The following MAST1 variants were observed in gnomAD, a reference collection of about 807,000 sequenced individuals.
MAST1 encodes microtubule-associated serine/threonine-protein kinase 1.
A neutral mutation model predicts 124.6 loss-of-function variants in MAST1; 40 were observed. The observed-to-expected ratio is 0.32, with a 90% CI of 0.25 to 0.42. The LOEUF (loss-of-function observed/expected upper bound fraction) is 0.42. Among genes scored for constraint, MAST1 ranks in the 10% least tolerant of loss-of-function variants. The pLI, the probability that MAST1 is intolerant of heterozygous loss-of-function variation, is 1.00. For synonymous variants in MAST1, 938 were observed against 939.4 expected (o/e 1.00, Z 0.03); for missense variants, 1,558 against 2,181.9 (o/e 0.71, Z 5.70).
chr19:12,865,687 A>G lies in MAST1; in HGVS notation c.1805-30A>G. 6.4e-7 allele frequency: 1 copy of G among 1,566,884 alleles called. No homozygotes were observed. Among genetic ancestry groups the G allele is most frequent in the Non-Finnish European group, 8.7e-7 (1 of 1,147,008 alleles). On this transcript the variant is annotated intron_variant, in intron 15 of 25. Transcript: ENST00000251472. The surrounding 1 kb of genome is among the most constrained non-coding windows in gnomAD (Gnocchi z 7.1). ...TGTCCAAACAACAACAACAACAAAA[A>G]CCGCCCCTAAGTTCCGTTTTGTTTT...
rs1473491262 is a variant in MAST1, at chr19:12,847,129, C to T, written c.328-161C>T. 2 of 609,282 alleles carry T rather than the reference C, an allele frequency of 3.3e-6. No individual in the cohort carries two copies. The highest frequency in any genetic ancestry group is 5.8e-6 in the Non-Finnish European group (2 of 342,476). The allele number at this position is 609,282 out of a possible 1,614,324, so 37.7% of individuals were successfully genotyped here. ...TCTGTCCCTGTCCACCTGTCTGTGGCCAAGAGTCCCAGCCAAGATCCTAGG... is the reference window on the plus strand; with the variant it reads ...TCTGTCCCTGTCCACCTGTCTGTGGTCAAGAGTCCCAGCCAAGATCCTAGG... On this transcript the variant is annotated intron_variant, in intron 4 of 25. Coordinates refer to ENST00000251472, the MANE Select transcript of MAST1 (RefSeq NM_014975.3). This position sits in a 1 kb window ranked among gnomAD's most constrained non-coding sequence, Gnocchi z 5.5.
At chr19:12,850,135 C>A (rs1340004535) in intron 7 of MAST1, among the ~76,000 whole-genome samples, 1 of 152,152 alleles carries the variant, frequency 6.6e-6, no homozygotes, top group Non-Finnish European at 1.5e-5. Context: ...ATGGGCCTGG[C>A]ACTAGCCTAA....
In MAST1 at chr19:12,845,411, C is replaced by CAAA. The variant is rs540488398; in HGVS notation, c.327+1825_327+1827dup. ...GCAACGTGATGAAACCCTGTTTCTA[C>CAAA]AAAAAAAAAAAAAAAAAAAAAAATT... is the stretch of plus-strand genomic sequence containing the variant. On this transcript the variant is annotated intron_variant, in intron 4 of 25. Transcript: ENST00000251472. Among the ~76,000 whole-genome samples, 33 of 69,066 alleles carry CAAA rather than the reference C, an allele frequency of 4.8e-4. 1 individual carries two copies. The highest frequency in any genetic ancestry group is 6.1e-4 in the South Asian group (1 of 1,638). 45.3% of individuals were successfully genotyped at this position (69,066 alleles called of 152,430 possible).
In MAST1 at chr19:12,847,885, C is replaced by G. The variant is rs778148302; in HGVS notation, c.602C>G (p.Thr201Ser). 1 of 1,613,176 alleles carries G rather than the reference C, an allele frequency of 6.2e-7. No individual in the cohort carries two copies. The change falls in exon 7 of 26, where the codon ACC becomes AGC. Residue 201 changes from threonine to serine, a missense_variant. By Grantham distance (58) the Thr-to-Ser change is moderately conservative (BLOSUM62 1). Transcript: ENST00000251472. This position sits in a 1 kb window ranked among gnomAD's most constrained non-coding sequence, Gnocchi z 5.5. Reference protein sequence around the residue: ...AQMEEKLRDFTRAYEPDSVLP... With the variant: ...AQMEEKLRDFSRAYEPDSVLP... Reference sequence around the variant, plus strand: ...ATGGAGGAGAAGCTGCGCGACTTTACCCGCGCCTACGAACCCGACAGCGTT... The same window carrying G: ...ATGGAGGAGAAGCTGCGCGACTTTAGCCGCGCCTACGAACCCGACAGCGTT...
In MAST1 at chr19:12,870,963, A is replaced by C; in HGVS notation, c.3126+17A>C. The C allele has an allele frequency of 6.2e-7, 1 of 1,612,340 alleles. No individual in the cohort carries two copies. ...ATCCTTAAGGTGAGTGCAGGGAAGG[A>C]GGCACCCTGGGCGGAGGGTGGGGGA... On this transcript the variant is annotated intron_variant, in intron 23 of 25. Transcript: ENST00000251472.
chr19:12,848,908 A>G (rs1969929763), intron 7 of MAST1: 1 of 152,116 alleles, frequency 6.6e-6, no homozygotes, highest in South Asian at 2.1e-4. Flanking sequence ...CGGTGAGCCG[A>G]GATCACACCA....
rs1285885350 is a variant in MAST1, at chr19:12,870,041, C to T, written c.3003+746C>T. On this transcript the variant is annotated intron_variant, in intron 22 of 25. Coordinates refer to ENST00000251472, the MANE Select transcript of MAST1 (RefSeq NM_014975.3). The stretch of plus-strand genomic sequence containing the variant: ...CTAAAAATACAAAAAATTAGCTGGG[C>T]ATGGTGGTGGGCGCCTGTAGTCCCA... Among the ~76,000 whole-genome samples, 13 of 149,414 alleles carry T rather than the reference C, an allele frequency of 8.7e-5. No homozygotes were observed. The East Asian group carries it at 1.6e-3, about 19-fold the overall frequency.
intron 2 of MAST1, 134 bp from the exon 3 acceptor site, chr19:12,840,857 G>A (rs892474514): frequency 5.6e-6 from 4 of 709,930 alleles, no homozygotes; most frequent in Non-Finnish European, 7.8e-6. Context: ...ATTTAGAGAG[G>A]CGGGGCCACA....
chr19:12,847,130 CAA>C lies in MAST1; in HGVS notation c.328-159_328-158del, dbSNP rs1969903234. 2.3e-5 allele frequency: 14 copies of C among 610,502 alleles called. No homozygotes were observed. The South Asian group carries it at 2.7e-4, about 12-fold the overall frequency. The allele number at this position is 610,502 out of a possible 1,614,324, so 37.8% of individuals were successfully genotyped here. A position where few individuals can be genotyped will look rare whatever the true frequency, so the allele number is the denominator to read the frequency against. ...CTGTCCCTGTCCACCTGTCTGTGGC[CAA>C]GAGTCCCAGCCAAGATCCTAGGATC... On this transcript the variant is annotated intron_variant, in intron 4 of 25. Coordinates refer to ENST00000251472, the MANE Select transcript of MAST1 (RefSeq NM_014975.3). The surrounding 1 kb of genome is among the most constrained non-coding windows in gnomAD (Gnocchi z 5.5).
intron 22 of MAST1, 74 bp from the exon 23 acceptor site, chr19:12,870,750 C>T: frequency 6.8e-7 from 1 of 1,470,624 alleles, no homozygotes; most frequent in Non-Finnish European, 9.2e-7. Flanking sequence ...GCTAAGTGTC[C>T]TGCATATAAG....
Position 12,843,617 on chromosome 19 carries a change from G to T in MAST1, c.327+10G>T, listed in dbSNP as rs1969857736. 1 of 1,612,136 alleles carries T rather than the reference G, an allele frequency of 6.2e-7. No individual in the cohort carries two copies. Among genetic ancestry groups the T allele is most frequent in the Non-Finnish European group, 8.5e-7 (1 of 1,179,170 alleles). ...CAGTTCCACCGTCTCGGTGAGTGTG[G>T]AAAGTAGGTGGGTGGGCCGGTGGGT... On this transcript the variant is annotated intron_variant, in intron 4 of 25. Coordinates refer to ENST00000251472, the MANE Select transcript of MAST1 (RefSeq NM_014975.3). This position sits in a 1 kb window ranked among gnomAD's most constrained non-coding sequence, Gnocchi z 4.9.
intron 12 of MAST1, among the ~76,000 whole-genome samples, chr19:12,861,007 A>T (rs533237345): frequency 7.6e-4 from 115 of 152,100 alleles, no homozygotes; most frequent in African/African-American, 2.7e-3. Flanking sequence ...TGGAGATTCC[A>T]TTCTGGTCTG....
intron 12 of MAST1, among the ~76,000 whole-genome samples, chr19:12,860,500 A>G (rs2145903210): frequency 7.3e-6 from 1 of 136,814 alleles, no homozygotes. Context: ...GCTCGAATGC[A>G]GTGGCGCTAT....
Sources: gnomAD v4.1 joint callset for allele counts (sites outside exome capture counted in the v4.1 genomes callset) on GRCh38, gnomAD v4.1.1 for gene constraint, Gnocchi (gnomAD v3.1) non-coding constraint, MANE v1.5 for transcripts, NCBI Gene and HGNC (gene_info 2026-07-23, HGNC 2026-07-21) for gene names.